MTCL1: variants seen among roughly 807,000 people sequenced by gnomAD.
MTCL1 encodes the protein microtubule crosslinking factor 1, also known as microtubule cross-linking factor 1.
A neutral mutation model predicts 141.4 loss-of-function variants in MTCL1; 79 were observed. The observed-to-expected ratio is 0.56, with a 90% confidence interval of 0.47 to 0.67. The LOEUF is 0.67. Among genes scored for constraint, MTCL1 ranks in the 30% least tolerant of loss-of-function variants. MTCL1 has a pLI of 0.00. For missense variants in MTCL1, 2,177 were observed against 2,113.9 expected, an observed-to-expected ratio of 1.03 and a Z score of -0.59; for synonymous variants, 914 against 875.8, an observed-to-expected ratio of 1.04 and a Z score of -0.77.
intron 4 of MTCL1, among the ~76,000 whole-genome samples, chr18:8,745,373 C>T (rs1368192596): frequency 6.6e-6 from 1 of 152,134 alleles, no homozygotes; most frequent in Non-Finnish European, 1.5e-5. Flanking sequence ...TTTGAATAAA[C>T]CAAGAGACGG....
At chr18:8,814,185 A>G (rs999448675) in intron 12 of MTCL1, among the ~76,000 whole-genome samples, 27 of 152,306 alleles carry the variant, frequency 1.8e-4, no homozygotes, top group African/African-American at 6.3e-4. Flanking sequence ...AGGTGAGTGT[A>G]TGCATGTGTT....
At chr18:8,762,092 A>G (rs1413543410) in intron 4 of MTCL1, among the ~76,000 whole-genome samples, 1 of 152,202 alleles carries the variant, frequency 6.6e-6, no homozygotes, top group Non-Finnish European at 1.5e-5. Flanking sequence ...TGATGAACAC[A>G]TGGGTTATTT....
intron 16 of MTCL1, chr18:8,829,006 C>CAA: frequency 2.5e-6 from 4 of 1,613,856 alleles, no homozygotes; most frequent in Non-Finnish European, 3.4e-6. Flanking sequence ...CTGGAGAGGT[C>CAA]GTGTTGTGTA....
chr18:8,769,145 C>T (rs1479644580), intron 4 of MTCL1, among the ~76,000 whole-genome samples: 1 of 152,166 alleles, frequency 6.6e-6, no homozygotes, highest in Non-Finnish European at 1.5e-5. Flanking sequence ...GTCTGACAGG[C>T]AAATGTCATG....
rs140214408 is a variant in MTCL1 at position 8,771,910 on chromosome 18, T to C, written c.358-5923T>C. Among the ~76,000 whole-genome samples, 1,523 of 152,338 alleles carry C rather than the reference T, an allele frequency of 1.0e-2. 28 individuals are homozygous for C. Among genetic ancestry groups the C allele is most frequent in the African/African-American group, 0.035 (1,442 of 41,568 alleles). ...TATTTAATAGTCTGCATTTACCTGT[T>C]CCCTTCATTGTTCCTTGGAAGAGAC... On this transcript the variant is annotated intron_variant, in intron 4 of 16. Coordinates refer to ENST00000359865, the Ensembl canonical transcript of MTCL1.
chr18:8,719,622 G>A (rs1463812556), intron 3 of MTCL1, among the ~76,000 whole-genome samples: 1 of 152,170 alleles, frequency 6.6e-6, no homozygotes, highest in African/African-American at 2.4e-5. Context: ...GAGTGCAGAG[G>A]CACCATCATA....
In MTCL1 at chr18:8,722,734, T is replaced by G. The variant is rs565817056; in HGVS notation, c.357+2238T>G. On this transcript the variant is annotated intron_variant, in intron 4 of 16. Transcript: ENST00000359865. Reference sequence around the variant, plus strand: ...AGGGGTGGCATAGGTGGAAGAAGATTTGAGTATAAGTGGACTTTCACAGTT... The same window carrying G: ...AGGGGTGGCATAGGTGGAAGAAGATGTGAGTATAAGTGGACTTTCACAGTT... 3.3e-5 allele frequency among the ~76,000 whole-genome samples: 5 copies of G among 152,236 alleles called. No individual in the cohort carries two copies. The South Asian group carries it at 8.3e-4, about 25-fold the overall frequency.
intron 4 of MTCL1, among the ~76,000 whole-genome samples, chr18:8,767,395 G>C (rs961831353): frequency 6.6e-6 from 1 of 152,196 alleles, no homozygotes; most frequent in Non-Finnish European, 1.5e-5. Flanking sequence ...CAGTAAGTCG[G>C]ACAGGGTGTT....
At chr18:8,819,332 TG>T in intron 13 of MTCL1, 73 bp downstream of exon 12, 1 of 1,512,016 alleles carries the variant, frequency 6.6e-7, no homozygotes, top group Non-Finnish European at 9.0e-7. Context: ...AAGAGGCATC[TG>T]CCAGATTCCT....
At chr18:8,726,524 A>C (rs1338235358) in intron 4 of MTCL1, among the ~76,000 whole-genome samples, 8 of 115,524 alleles carry the variant, frequency 6.9e-5, no homozygotes, top group African/African-American at 2.5e-4. Context: ...CGAGCGAGAG[A>C]GAGCGAGTGC....
chr18:8,744,870 C>T (rs527966607), intron 4 of MTCL1, among the ~76,000 whole-genome samples: 19 of 152,200 alleles, frequency 1.2e-4, no homozygotes, highest in Non-Finnish European at 2.4e-4. Context: ...CTCCACCCCC[C>T]GGAAGTTCCC....
At chr18:8,786,205 G>C in intron 7 of MTCL1, 114 bp downstream of exon 6, 1 of 1,143,766 alleles carries the variant, frequency 8.7e-7, no homozygotes, top group Non-Finnish European at 1.3e-6. Flanking sequence ...GGCAGGAGGA[G>C]GTGGAACTAG....
chr18:8,718,029 G>T (rs1025938383), intron 2 of MTCL1: 4 of 976,830 alleles, frequency 4.1e-6, no homozygotes, highest in Non-Finnish European at 5.0e-6. Context: ...TTGAAGGCAG[G>T]GTCCGTATGA....
intron 4 of MTCL1, among the ~76,000 whole-genome samples, chr18:8,761,570 A>T (rs957063012): frequency 2.0e-5 from 3 of 152,130 alleles, no homozygotes. Context: ...TGGGTATCTC[A>T]TATGTATTAG....
intron 11 of MTCL1, among the ~76,000 whole-genome samples, chr18:8,811,934 T>G (rs2076501520): frequency 3.9e-5 from 6 of 152,250 alleles, no homozygotes; most frequent in Admixed American, 2.6e-4. Context: ...CCCTAGGGTT[T>G]ATAATATACG....
intron 9 of MTCL1, among the ~76,000 whole-genome samples, chr18:8,796,669 C>CA (rs2075933627): frequency 1.3e-5 from 2 of 152,154 alleles, no homozygotes; most frequent in South Asian, 4.1e-4. Flanking sequence ...ACTGAAACAT[C>CA]AATCATTTTC....
intron 4 of MTCL1, among the ~76,000 whole-genome samples, chr18:8,751,026 G>A (rs2148952855): frequency 6.6e-6 from 1 of 152,238 alleles, no homozygotes. Flanking sequence ...AGGAGGATGG[G>A]GTGGACAGTG....
chr18:8,737,930 C>T (rs962742485), intron 4 of MTCL1, among the ~76,000 whole-genome samples: 1 of 152,184 alleles, frequency 6.6e-6, no homozygotes, highest in Non-Finnish European at 1.5e-5. Flanking sequence ...TTGGTTTAGG[C>T]AGCCATCATG....
At chr18:8,717,702 G>A (rs759654659) in intron 1 of MTCL1, 48 of 166,092 alleles carry the variant, frequency 2.9e-4, no homozygotes, top group Non-Finnish European at 4.3e-4. Context: ...CGGAAGGGGC[G>A]CAGCTCTGGC....
Sources: gnomAD v4.1 joint callset for allele counts (sites outside exome capture counted in the v4.1 genomes callset) on GRCh38, gnomAD v4.1.1 for gene constraint, MANE v1.5 for transcripts, NCBI Gene and HGNC (gene_info 2026-07-23, HGNC 2026-07-21) for gene names.